Variants in RTN4IP1 observed in about 807,000 individuals in gnomAD.
RTN4IP1 encodes the protein reticulon 4 interacting protein 1.
A neutral mutation model predicts 46.6 loss-of-function variants in RTN4IP1; 32 were observed. The observed-to-expected ratio is 0.69, with a 90% CI of 0.52 to 0.92. The LOEUF (loss-of-function observed/expected upper bound fraction) is 0.92, where lower values mean the gene tolerates loss of function less well. RTN4IP1 is among the 40% of genes least tolerant of loss of function. RTN4IP1 has a pLI of 0.00. For missense variants in RTN4IP1, 424 were observed against 485.8 expected, an observed-to-expected ratio of 0.87 and a Z score of 1.20; for synonymous variants, 167 against 161.8, an observed-to-expected ratio of 1.03 and a Z score of -0.24.
At chr6:106,602,844 C>T in intron 5 of RTN4IP1, 30 bp downstream of exon 5, 1 of 1,485,878 alleles carries the variant, frequency 6.7e-7, no homozygotes, top group Admixed American at 2.1e-5. Context: ...ACAAAATCCT[C>T]CTATTCACAA....
chr6:106,579,769 T>C (rs886350075), intron 8 of RTN4IP1, among the ~76,000 whole-genome samples: 1 of 151,736 alleles, frequency 6.6e-6, no homozygotes, highest in African/African-American at 2.4e-5. Context: ...GTAATACTCA[T>C]TAATCCAGAT....
At chr6:106,591,006 T>C (rs1269724512) in intron 6 of RTN4IP1, among the ~76,000 whole-genome samples, 1 of 152,188 alleles carries the variant, frequency 6.6e-6, no homozygotes, top group Non-Finnish European at 1.5e-5. Context: ...ACCTACTACA[T>C]GCTACTACAC....
rs1776737947 is a variant in RTN4IP1 at position 106,629,081 on chromosome 6, T to C, written c.-60A>G. ...AATACACTTGGACTGGATCAAACTC[T>C]CACCCCTGAATTCAGTCAAATTCTG... On this transcript the variant is annotated 5_prime_UTR_variant, in exon 1 of 9. Transcript: ENST00000369063. 9.3e-6 allele frequency: 14 copies of C among 1,512,268 alleles called. No individual in the cohort carries two copies. Among genetic ancestry groups the C allele is most frequent in the Non-Finnish European group, 1.2e-5 (13 of 1,119,764 alleles). 93.7% of individuals were successfully genotyped at this position (1,512,268 alleles called of 1,614,324 possible).
intron 6 of RTN4IP1, among the ~76,000 whole-genome samples, chr6:106,589,718 A>G (rs1169221147): frequency 6.6e-6 from 1 of 152,214 alleles, no homozygotes; most frequent in Non-Finnish European, 1.5e-5. Flanking sequence ...AATACCTAAA[A>G]AGCTGCTATT....
chr6:106,577,615 C>G (rs970560431), intron 8 of RTN4IP1, among the ~76,000 whole-genome samples: 2 of 152,102 alleles, frequency 1.3e-5, no homozygotes, highest in African/African-American at 4.8e-5. Flanking sequence ...TGTTCACATC[C>G]TGATTCCCAA....
In RTN4IP1 at chr6:106,604,630, A is replaced by G. The variant is rs73508221; in HGVS notation, c.621-1708T>C. Among the ~76,000 whole-genome samples the G allele has an allele frequency of 2.9e-3, 442 of 152,204 alleles. 3 individuals carry two copies. The highest frequency in any genetic ancestry group is 0.01 in the African/African-American group (430 of 41,526). ...TAATCTCACCAAACACAGAAGATTA[A>G]CTCACATGAAAGAAGACTAGAGTAG... is the stretch of plus-strand genomic sequence containing the variant. On this transcript the variant is annotated intron_variant, in intron 4 of 8. Transcript: ENST00000369063.
rs1293838518 is a variant in RTN4IP1 at position 106,587,659 on chromosome 6, A to G, written c.990+20T>C. The G allele has an allele frequency of 1.3e-6, 2 of 1,597,874 alleles. No individual in the cohort carries two copies. Among genetic ancestry groups the G allele is most frequent in the Non-Finnish European group, 1.7e-6 (2 of 1,169,736 alleles). ...AGCAGGAGGCTGCCTGCAGTCACCA[A>G]CCAAGACCCTTCTTCCTACCTTTAA... On this transcript the variant is annotated intron_variant, in intron 7 of 8. Transcript: ENST00000369063.
intron 4 of RTN4IP1, among the ~76,000 whole-genome samples, chr6:106,613,455 C>T (rs59962977): frequency 0.073 from 11,063 of 152,172 alleles, 593 homozygotes; most frequent in East Asian, 0.2. Flanking sequence ...TGGAAAATTC[C>T]TCCAATTAAA....
intron 4 of RTN4IP1, among the ~76,000 whole-genome samples, chr6:106,613,461 T>C (rs1776278710): frequency 6.6e-6 from 1 of 152,076 alleles, no homozygotes; most frequent in African/African-American, 2.4e-5. Context: ...ATTCCTCCAA[T>C]TAAAAAAATG....
At chr6:106,625,661 C>CTTTT (rs773454257) in intron 1 of RTN4IP1, among the ~76,000 whole-genome samples, 12 of 112,804 alleles carry the variant, frequency 1.1e-4, no homozygotes, top group African/African-American at 1.3e-4. Flanking sequence ...TCTTTTTTTT[C>CTTTT]TTTTTTTTTT....
At chr6:106,585,667 C>T (rs1775466110) in intron 7 of RTN4IP1, among the ~76,000 whole-genome samples, 1 of 152,112 alleles carries the variant, frequency 6.6e-6, no homozygotes, top group Admixed American at 6.5e-5. Flanking sequence ...TAAACCAAAG[C>T]AGGTAGGAGA....
chr6:106,575,814 TCATTACTG>T (rs1219315950), intron 8 of RTN4IP1, among the ~76,000 whole-genome samples: 5 of 152,242 alleles, frequency 3.3e-5, no homozygotes, highest in Non-Finnish European at 5.9e-5. Context: ...ACTCCTAATG[TCATTACTG>T]CATGGAATGG....
chr6:106,580,966 T>C (rs555590372), intron 8 of RTN4IP1, among the ~76,000 whole-genome samples: 6 of 146,602 alleles, frequency 4.1e-5, no homozygotes, highest in Admixed American at 4.1e-4. Context: ...AAAACAAATT[T>C]GAACATATGC....
In RTN4IP1 at chr6:106,571,983, A is replaced by G; in HGVS notation, c.*13T>C. ...AAATAAGAACGTCAACAATCACTAA[A>G]CTGCATTTTTATTTAAACAACATTA... On this transcript the variant is annotated 3_prime_UTR_variant, in exon 9 of 9. Transcript: ENST00000369063. 1.9e-6 allele frequency: 3 copies of G among 1,596,832 alleles called. No individual in the cohort carries two copies. The highest frequency in any genetic ancestry group is 2.6e-6 in the Non-Finnish European group (3 of 1,164,978).
At chr6:106,597,491 G>A (rs1478651264) in intron 5 of RTN4IP1, among the ~76,000 whole-genome samples, 4 of 151,896 alleles carry the variant, frequency 2.6e-5, no homozygotes, top group African/African-American at 9.7e-5. Context: ...TTACAGGTAT[G>A]AGCCACCATG....
chr6:106,601,063 T>C (rs566224296), intron 5 of RTN4IP1, among the ~76,000 whole-genome samples: 2 of 152,280 alleles, frequency 1.3e-5, no homozygotes. Flanking sequence ...GTATGAGTGT[T>C]CTAATTTATT....
chr6:106,617,739 A>T (rs1245991034), intron 4 of RTN4IP1, among the ~76,000 whole-genome samples: 1 of 152,186 alleles, frequency 6.6e-6, no homozygotes, highest in Non-Finnish European at 1.5e-5. Flanking sequence ...TGTTTTTTAC[A>T]GTATATTAAA....
intron 4 of RTN4IP1, among the ~76,000 whole-genome samples, chr6:106,617,122 T>C (rs1159384946): frequency 2.6e-5 from 4 of 152,228 alleles, no homozygotes; most frequent in Non-Finnish European, 4.4e-5. Flanking sequence ...CAAAACCTGA[T>C]GTCACCTTGA....
chr6:106,587,575 C>A, intron 7 of RTN4IP1, 104 bp downstream of exon 7: 1 of 1,033,978 alleles, frequency 9.7e-7, no homozygotes, highest in South Asian at 1.6e-5. Flanking sequence ...CTTGCAACCA[C>A]CGTGCTATGC....
Sources: gnomAD v4.1 joint callset for allele counts (sites outside exome capture counted in the v4.1 genomes callset) on GRCh38, gnomAD v4.1.1 for gene constraint, MANE v1.5 for transcripts, NCBI Gene and HGNC (gene_info 2026-07-23, HGNC 2026-07-21) for gene names.